CCL26: variants seen among roughly 807,000 people sequenced by gnomAD.
CCL26 encodes the protein C-C motif chemokine ligand 26, also known as C-C motif chemokine 26.
Under a neutral mutation model 10.7 loss-of-function variants are expected in CCL26, and 10 were observed. The observed-to-expected ratio is 0.93, with a 90% CI of 0.57 to 1.58. The LOEUF (loss-of-function observed/expected upper bound fraction) is 1.58, where lower values mean the gene tolerates loss of function less well. CCL26 is among the 40% of genes most tolerant of loss of function. CCL26 has a pLI of 0.00. For synonymous variants in CCL26, 43 were observed against 41.4 expected (o/e 1.04, Z -0.15); for missense variants, 116 against 111.0 (o/e 1.05, Z -0.20).
chr7:75,777,823 C>CTT (rs112719253), intron 1 of CCL26, among the ~76,000 whole-genome samples: 537 of 137,056 alleles, frequency 3.9e-3, no homozygotes, highest in African/African-American at 0.012. Context: ...CAAAACTAAT[C>CTT]TTTTTTTTTT....
intron 1 of CCL26, among the ~76,000 whole-genome samples, chr7:75,783,985 G>A (rs1311614130): frequency 6.6e-6 from 1 of 152,016 alleles, no homozygotes; most frequent in African/African-American, 2.4e-5. Flanking sequence ...TTAAATTCCA[G>A]CCTCAAACCG....
intron 1 of CCL26, chr7:75,789,633 C>T (rs1451274281): frequency 7.2e-6 from 1 of 138,502 alleles, no homozygotes; most frequent in Non-Finnish European, 1.6e-5. Flanking sequence ...ACTTTGCCCC[C>T]CTCCCCACCA....
chr7:75,780,308 C>A (rs1240116015), intron 1 of CCL26, among the ~76,000 whole-genome samples: 2 of 152,108 alleles, frequency 1.3e-5, no homozygotes, highest in African/African-American at 4.8e-5. Context: ...CAAGCACCCA[C>A]TAACTTTTCT....
intron 1 of CCL26, among the ~76,000 whole-genome samples, chr7:75,782,110 A>G (rs1253441972): frequency 2.0e-5 from 3 of 151,256 alleles, no homozygotes; most frequent in Non-Finnish European, 2.9e-5. Context: ...CTCTTCTCCA[A>G]CCTCTCTCAC....
At chr7:75,773,293 G>A (rs1217110430), upstream of CCL26, among the ~76,000 whole-genome samples, 2 of 151,780 alleles carry the variant, frequency 1.3e-5, no homozygotes, top group African/African-American at 4.8e-5. Flanking sequence ...GCACGGTGGC[G>A]GGCACCTGTA....
At chr7:75,790,570 T>C (rs1207737130), upstream of CCL26, among the ~76,000 whole-genome samples, 1 of 152,006 alleles carries the variant, frequency 6.6e-6, no homozygotes, top group Admixed American at 6.6e-5. Context: ...TGGCCTCTTA[T>C]GGATGTCTTC....
intron 1 of CCL26, among the ~76,000 whole-genome samples, chr7:75,781,957 T>C (rs1432243134): frequency 6.6e-6 from 1 of 152,156 alleles, no homozygotes; most frequent in Non-Finnish European, 1.5e-5. Context: ...AAGACCCAGG[T>C]CAGTGGGACT....
At chr7:75,775,387 A>G (rs184693471), upstream of CCL26, among the ~76,000 whole-genome samples, 723 of 152,278 alleles carry the variant, frequency 4.7e-3, 1 homozygote, top group Non-Finnish European at 8.6e-3. Context: ...CAGTTCCTCC[A>G]GCAGGCCCTG....
Position 75,769,801 on chromosome 7 carries a change from A to G in CCL26, c.189-12T>C. 2 of 1,533,228 alleles carry G rather than the reference A, an allele frequency of 1.3e-6. No homozygotes were observed. Among genetic ancestry groups the G allele is most frequent in the Non-Finnish European group, 9.0e-7 (1 of 1,106,308 alleles). The allele number at this position is 1,533,228 out of a possible 1,614,324, so 95.0% of individuals were successfully genotyped here. A position where few individuals can be genotyped will look rare whatever the true frequency, so the allele number is the denominator to read the frequency against. On this transcript the variant is annotated splice_polypyrimidine_tract_variant and intron_variant, in intron 2 of 2. Coordinates refer to ENST00000005180, the MANE Select transcript of CCL26 (RefSeq NM_001371938.1). ...TTTTGGTAGTGAATCTGTGAAAAAG[A>G]GACACGGATAAGTCAATATTGAGAC...
At chr7:75,789,425 T>G (rs1424421078) in intron 1 of CCL26, among the ~76,000 whole-genome samples, 1 of 151,382 alleles carries the variant, frequency 6.6e-6, no homozygotes, top group Non-Finnish European at 1.5e-5. Flanking sequence ...TCTCTCTCTT[T>G]GCCACTCTTC....
At chr7:75,790,218 T>TCTTTCTTTCTTCCTTCCTTC (rs1554530641), upstream of CCL26, among the ~76,000 whole-genome samples, 6 of 66,852 alleles carry the variant, frequency 9.0e-5, no homozygotes, top group East Asian at 1.3e-3. Flanking sequence ...TTTCTTTCTT[T>TCTTTCTTTCTTCCTTCCTTC]CTTCCTTCCT....
chr7:75,784,270 A>C (rs1388600559), intron 1 of CCL26, among the ~76,000 whole-genome samples: 2 of 152,140 alleles, frequency 1.3e-5, no homozygotes, highest in African/African-American at 2.4e-5. Flanking sequence ...GCTGTGTCCC[A>C]TCTGTGTGGG....
chr7:75,777,764 AG>A, intron 1 of CCL26, among the ~76,000 whole-genome samples: 1 of 150,238 alleles, frequency 6.7e-6, no homozygotes. Flanking sequence ...TAGATAAGAA[AG>A]AATAATGTTG....
intron 1 of CCL26, among the ~76,000 whole-genome samples, chr7:75,777,743 G>A (rs1207532285): frequency 5.9e-3 from 184 of 31,154 alleles, no homozygotes; most frequent in African/African-American, 6.7e-3. Context: ...AAAAAAAAAA[G>A]CAGCAGCAGC....
chr7:75,774,223 C>T (rs112317428), upstream of CCL26, among the ~76,000 whole-genome samples: 24 of 152,306 alleles, frequency 1.6e-4, no homozygotes, highest in African/African-American at 5.3e-4. Context: ...AATCTCGGCT[C>T]ACTGCAACCT....
intron 2 of CCL26, 31 bp from the exon 3 acceptor site, chr7:75,769,820 T>C (rs782132584): frequency 4.5e-6 from 6 of 1,329,220 alleles, no homozygotes; most frequent in South Asian, 3.5e-5. Flanking sequence ...TAAGTCAATA[T>C]TGAGACTCTT....
intron 1 of CCL26, among the ~76,000 whole-genome samples, chr7:75,786,258 C>T (rs956249617): frequency 6.6e-6 from 1 of 152,184 alleles, no homozygotes; most frequent in Non-Finnish European, 1.5e-5. Flanking sequence ...CTTTCCTGTT[C>T]CTCACCCTGA....
At chr7:75,773,324 T>TGAGGCAGGAGAATCGCTTGAATGCAG (rs1554528376), upstream of CCL26, among the ~76,000 whole-genome samples, 1 of 151,788 alleles carries the variant, frequency 6.6e-6, no homozygotes, top group African/African-American at 2.4e-5. Flanking sequence ...CTAGGGAGGC[T>TGAGGCAGGAGAATCGCTTGAATGCAG]GAGGCAGGAG....
chr7:75,773,605 G>T (rs782134619), upstream of CCL26, among the ~76,000 whole-genome samples: 1 of 152,032 alleles, frequency 6.6e-6, no homozygotes, highest in African/African-American at 2.4e-5. Context: ...GCCAGTCACA[G>T]TGGCTCACGC....
Sources: allele counts gnomAD v4.1 joint callset (sites outside exome capture counted in the v4.1 genomes callset), GRCh38; gene constraint gnomAD v4.1.1; transcripts MANE v1.5; gene names NCBI Gene and HGNC (gene_info 2026-07-23, HGNC 2026-07-21).